The following PSTPIP1 variants were observed in gnomAD, a reference collection of about 807,000 sequenced individuals.
PSTPIP1 encodes proline-serine-threonine phosphatase-interacting protein 1.
In PSTPIP1, 66 loss-of-function variants were observed where a neutral mutation model predicts 69.6. The observed-to-expected ratio is 0.95, with a 90% CI of 0.78 to 1.16. The LOEUF is 1.16. Among genes scored for constraint, PSTPIP1 ranks in the 50% most tolerant of loss-of-function variants. PSTPIP1 has a pLI of 0.00. For missense variants in PSTPIP1, 603 were observed against 557.4 expected (o/e 1.08, Z -0.82); for synonymous variants, 266 against 222.7 (o/e 1.19, Z -1.73).
At chr15:77,022,982 C>A (rs972242463) in intron 3 of PSTPIP1, among the ~76,000 whole-genome samples, 5 of 152,232 alleles carry the variant, frequency 3.3e-5, no homozygotes, top group Admixed American at 6.5e-5. Context: ...ACTGTCAAGA[C>A]TGTCCCAGGG....
Position 77,032,958 on chromosome 15 carries a change from G to T in PSTPIP1, c.929+6G>T, listed in dbSNP as rs1446209902. The T allele has an allele frequency of 2.5e-6, 4 of 1,593,438 alleles. No homozygotes were observed. In the African/African-American group the frequency reaches 4.0e-5, roughly 16 times the overall value. Reference sequence around the variant, plus strand: ...TCCTGCGGCATGATAAAGAGGTGAGGCCCCGACAGACGGAGGGAGGGCCTA... The same window carrying T: ...TCCTGCGGCATGATAAAGAGGTGAGTCCCCGACAGACGGAGGGAGGGCCTA... On this transcript the variant is annotated splice_donor_region_variant and intron_variant, in intron 12 of 14. Coordinates refer to ENST00000558012, the MANE Select transcript of PSTPIP1 (RefSeq NM_003978.5).
intron 13 of PSTPIP1, 102 bp downstream of exon 13, chr15:77,035,665 G>A: frequency 1.4e-6 from 2 of 1,478,540 alleles, no homozygotes; most frequent in East Asian, 2.5e-5. Context: ...TCAAGAGGAA[G>A]TGTGTGTCCC....
Position 76,995,368 on chromosome 15 carries a change from C to T in PSTPIP1, c.-206C>T, listed in dbSNP as rs753082701. 3.5e-5 allele frequency: 50 copies of T among 1,436,506 alleles called. 2 individuals carry two copies. In the South Asian group the frequency reaches 5.6e-4, roughly 16 times the overall value. The allele number at this position is 1,436,506 out of a possible 1,614,324, so 89.0% of individuals were successfully genotyped here. On this transcript the variant is annotated 5_prime_UTR_variant, in exon 1 of 15. Transcript: ENST00000558012. ...TCCTCATTTTGCTGCTGATTCTAGC[C>T]CCAAACAAAACAGGTTGAGCTTTTT... is the stretch of plus-strand genomic sequence containing the variant.
intron 14 of PSTPIP1, among the ~76,000 whole-genome samples, chr15:77,036,274 G>C (rs991067004): frequency 6.6e-6 from 1 of 152,168 alleles, no homozygotes; most frequent in African/African-American, 2.4e-5. Flanking sequence ...CACACAGGCT[G>C]GGCGCTGAGT....
rs549289076 is a variant in PSTPIP1 at position 77,032,186 on chromosome 15, G to C, written c.742-112G>C. On this transcript the variant is annotated intron_variant, in intron 10 of 14. Transcript: ENST00000558012. The stretch of plus-strand genomic sequence containing the variant: ...CCCTCAGGATCAAAGACCCCGAGCC[G>C]CGCACAATGGCCTGTGAGGAGGCCG... 207 of 1,058,836 alleles carry C rather than the reference G, an allele frequency of 2.0e-4. 2 individuals carry two copies. Among genetic ancestry groups the C allele is most frequent in the South Asian group, 4.7e-4 (32 of 68,398 alleles). 65.6% of individuals were successfully genotyped at this position (1,058,836 alleles called of 1,614,324 possible).
At chr15:77,036,537 C>T (rs1208679766) in intron 14 of PSTPIP1, among the ~76,000 whole-genome samples, 1 of 152,146 alleles carries the variant, frequency 6.6e-6, no homozygotes, top group Non-Finnish European at 1.5e-5. Flanking sequence ...AATGCATAGC[C>T]AGACCTCACA....
chr15:77,020,578 C>A (rs766576017), intron 3 of PSTPIP1, among the ~76,000 whole-genome samples: 5 of 152,180 alleles, frequency 3.3e-5, no homozygotes, highest in Non-Finnish European at 5.9e-5. Flanking sequence ...ATGTGCCATG[C>A]CCTGGATGGG....
intron 2 of PSTPIP1, 47 bp from the exon 3 acceptor site, chr15:77,018,410 G>C: frequency 6.4e-7 from 1 of 1,552,550 alleles, no homozygotes; most frequent in Non-Finnish European, 8.7e-7. Context: ...GCCTCCCCCA[G>C]AGGTGGCAAG....
intron 1 of PSTPIP1, among the ~76,000 whole-genome samples, chr15:76,996,344 G>A (rs1251693427): frequency 6.6e-6 from 1 of 152,228 alleles, no homozygotes; most frequent in African/African-American, 2.4e-5. Flanking sequence ...GCCCAGCTTG[G>A]ACCCCTGGTC....
upstream of PSTPIP1, chr15:76,995,091 C>T (rs2075542892): frequency 2.0e-5 from 24 of 1,176,464 alleles, no homozygotes; most frequent in South Asian, 1.6e-4. Context: ...TTCCTGTGGG[C>T]GAGGGCCCTG....
At chr15:77,004,262 A>G (rs562890795) in intron 1 of PSTPIP1, among the ~76,000 whole-genome samples, 1 of 152,294 alleles carries the variant, frequency 6.6e-6, no homozygotes, top group African/African-American at 2.4e-5. Context: ...TGGTTTGCTG[A>G]GGCCTGGCAC....
At chr15:77,024,843 C>T (rs2076240238) in intron 3 of PSTPIP1, among the ~76,000 whole-genome samples, 1 of 152,052 alleles carries the variant, frequency 6.6e-6, no homozygotes, top group African/African-American at 2.4e-5. Flanking sequence ...ATCCCCCGGG[C>T]CACCTGCTGA....
chr15:77,036,032 G>T, intron 14 of PSTPIP1, 97 bp downstream of exon 14: 2 of 1,410,208 alleles, frequency 1.4e-6, no homozygotes, highest in Admixed American at 2.6e-5. Flanking sequence ...CTCTCCTCAT[G>T]GTTTCACTCA....
chr15:76,997,415 T>C (rs968287956), intron 1 of PSTPIP1, among the ~76,000 whole-genome samples: 1 of 151,210 alleles, frequency 6.6e-6, no homozygotes, highest in African/African-American at 2.5e-5. Context: ...TACCTCTTCC[T>C]GATGCTCAGC....
At chr15:77,031,300 G>A in intron 10 of PSTPIP1, 22 bp downstream of exon 10, 1 of 1,608,628 alleles carries the variant, frequency 6.2e-7, no homozygotes. Context: ...GGGCCTTGGT[G>A]TGGGGTAAGG....
chr15:77,032,810 C>T, intron 11 of PSTPIP1, 52 bp from the exon 12 acceptor site: 1 of 1,476,224 alleles, frequency 6.8e-7, no homozygotes, highest in Non-Finnish European at 9.2e-7. Flanking sequence ...TCTGGCAGGG[C>T]CAGAATGGGG....
In PSTPIP1 at chr15:77,037,107, T is replaced by C. The variant is rs199804922; in HGVS notation, c.1182T>C (p.Asp394=). 1.2e-4 allele frequency: 191 copies of C among 1,612,210 alleles called. No homozygotes were observed. Among genetic ancestry groups the C allele is most frequent in the Non-Finnish European group, 1.5e-4 (179 of 1,179,688 alleles). ...DILEVILEGE[D]GWWTVERNGQ... Reference sequence around the variant, plus strand: ...TGGAGGTGATCCTGGAAGGGGAGGATGGCTGGTGGACTGTGGAGAGGAACG... The same window carrying C: ...TGGAGGTGATCCTGGAAGGGGAGGACGGCTGGTGGACTGTGGAGAGGAACG... Residue 394 remains aspartate (D), a synonymous_variant, in exon 15 of 15, where the codon GAT becomes GAC. Coordinates refer to ENST00000558012, the MANE Select transcript of PSTPIP1 (RefSeq NM_003978.5).
intron 6 of PSTPIP1, chr15:77,028,337 C>T (rs1358630681): frequency 5.6e-6 from 3 of 533,998 alleles, no homozygotes; most frequent in Non-Finnish European, 1.0e-5. Flanking sequence ...GCCGCGCTGT[C>T]CTCAGTGGGG....
intron 1 of PSTPIP1, among the ~76,000 whole-genome samples, chr15:77,010,007 C>G (rs2075901275): frequency 6.6e-6 from 1 of 152,298 alleles, no homozygotes; most frequent in East Asian, 1.9e-4. Context: ...TGTGAAGACG[C>G]CTGGACCCCT....
Sources: allele counts gnomAD v4.1 joint callset (sites outside exome capture counted in the v4.1 genomes callset), GRCh38; gene constraint gnomAD v4.1.1; transcripts MANE v1.5; gene names NCBI Gene and HGNC (gene_info 2026-07-23, HGNC 2026-07-21).